RUFY2: variants seen among roughly 807,000 people sequenced by gnomAD.
The protein encoded by RUFY2 is RUN and FYVE domain containing 2.
Under a neutral mutation model 94.4 loss-of-function variants are expected in RUFY2, and 49 were observed. That is an observed-to-expected ratio of 0.52 (90% confidence interval 0.41 to 0.66). The LOEUF is 0.66. Ranked by LOEUF, RUFY2 falls within the 30% of genes least tolerant of loss-of-function variation. RUFY2 has a pLI of 0.00. For missense variants in RUFY2, 541 were observed against 692.8 expected (o/e 0.78, Z 2.46); for synonymous variants, 255 against 235.7 (o/e 1.08, Z -0.75).
At chr10:68,405,857 T>A (rs966571566) in intron 1 of RUFY2, 9 of 207,314 alleles carry the variant, frequency 4.3e-5, no homozygotes, top group Non-Finnish European at 5.9e-5. Context: ...AGCGCCAGTC[T>A]GAATACCAAG....
chr10:68,347,492 C>T (rs1326458325), intron 16 of RUFY2, among the ~76,000 whole-genome samples: 4 of 151,978 alleles, frequency 2.6e-5, no homozygotes, highest in African/African-American at 9.7e-5. Context: ...CCATGTTGGC[C>T]AGACTGGTCT....
chr10:68,390,586 T>C (rs1485524672), intron 7 of RUFY2, among the ~76,000 whole-genome samples: 1 of 152,102 alleles, frequency 6.6e-6, no homozygotes, highest in Non-Finnish European at 1.5e-5. Context: ...TTGGATTTTG[T>C]AGACAGTGCC....
chr10:68,367,712 A>ATCTC (rs1358131987), intron 13 of RUFY2, among the ~76,000 whole-genome samples: 1 of 76,780 alleles, frequency 1.3e-5, no homozygotes, highest in Non-Finnish European at 2.8e-5. Context: ...TTCTTTCTCT[A>ATCTC]TCTCTCTCCC....
At chr10:68,353,279 C>T (rs944949435) in intron 16 of RUFY2, among the ~76,000 whole-genome samples, 6 of 150,056 alleles carry the variant, frequency 4.0e-5, no homozygotes, top group Non-Finnish European at 5.9e-5. Context: ...TGCAATGAGC[C>T]GAGATCGCGC....
chr10:68,394,079 C>G lies in RUFY2; in HGVS notation c.580G>C (p.Glu194Gln). 1 of 1,505,540 alleles carries G rather than the reference C, an allele frequency of 6.6e-7. No individual in the cohort carries two copies. Among genetic ancestry groups the G allele is most frequent in the Non-Finnish European group, 8.9e-7 (1 of 1,119,316 alleles). 93.3% of individuals were successfully genotyped at this position (1,505,540 alleles called of 1,614,324 possible). Residue 194 changes from glutamate to glutamine, a missense_variant, in exon 6 of 18, where the codon GAA (glutamate) becomes CAA (glutamine). Glu to Gln is a conservative substitution (Grantham distance 29). This residue lies in a region of RUFY2 where 403 missense variants were observed against 480.7 expected (regional missense o/e 0.84). Transcript: ENST00000602465. Reference sequence around the variant, plus strand: ...AATAACTTATGAAAATCATACCTTTCTTTATTTCCAATATCTTCTTCATTC... The same window carrying G: ...AATAACTTATGAAAATCATACCTTTGTTTATTTCCAATATCTTCTTCATTC... ...LKNEEDIGNK[E>Q]RNVQIAAILD...
At chr10:68,370,310 C>T (rs567421875) in intron 13 of RUFY2, among the ~76,000 whole-genome samples, 6 of 152,066 alleles carry the variant, frequency 3.9e-5, no homozygotes, top group Non-Finnish European at 7.4e-5. Context: ...TAAACTAATC[C>T]AGTCTATCCC....
chr10:68,384,298 AAAC>A, intron 8 of RUFY2, 146 bp from the exon 9 acceptor site: 1 of 1,077,438 alleles, frequency 9.3e-7, no homozygotes, highest in East Asian at 2.8e-5. Flanking sequence ...TTCATAAGGA[AAAC>A]ACGCTCGTTA....
At chr10:68,378,427 G>A in intron 12 of RUFY2, 1 of 1,281,256 alleles carries the variant, frequency 7.8e-7, no homozygotes, top group East Asian at 3.0e-5. Context: ...TATTACCACA[G>A]CAGCTGACCA....
chr10:68,358,850 G>T (rs1318030736), intron 15 of RUFY2, among the ~76,000 whole-genome samples: 1 of 151,936 alleles, frequency 6.6e-6, no homozygotes, highest in African/African-American at 2.4e-5. Flanking sequence ...GGCAGATGTT[G>T]CAGTGAGCCA....
chr10:68,355,322 C>A (rs779765720), intron 16 of RUFY2, 31 bp downstream of exon 16: 4 of 1,546,918 alleles, frequency 2.6e-6, no homozygotes, highest in South Asian at 2.2e-5. Context: ...CTTTCACATA[C>A]CTTCCCACTT....
At position 68,396,060 on chromosome 10, in the gene RUFY2, G is replaced by A. The variant is rs201948933; in HGVS notation, c.398+720C>T. Among the ~76,000 whole-genome samples the A allele has an allele frequency of 4.8e-4, 73 of 152,268 alleles. 1 individual carries two copies. The highest frequency in any genetic ancestry group is 1.6e-3 in the African/African-American group (66 of 41,554). On this transcript the variant is annotated intron_variant, in intron 4 of 17. Transcript: ENST00000602465. ...ATCACCCAGGCTGGAGTGCAGTGGC[G>A]CGATCTCAGGTCACTGCAACCTCCC...
At chr10:68,391,496 A>T (rs2133025652) in intron 7 of RUFY2, among the ~76,000 whole-genome samples, 1 of 151,806 alleles carries the variant, frequency 6.6e-6, no homozygotes, top group African/African-American at 2.4e-5. Flanking sequence ...GAAAAAATTT[A>T]AAATTACTAG....
downstream of RUFY2, chr10:68,343,191 A>G (rs975505054): frequency 2.6e-5 from 4 of 152,190 alleles, no homozygotes. Flanking sequence ...GTGGGAGATA[A>G]TAGTATGGCG....
rs2050222501 is a variant in RUFY2 at position 68,394,358 on chromosome 10, C to A, written c.492G>T (p.Leu164=). Residue 164 remains leucine (L), a synonymous_variant, in exon 5 of 18, where the codon CTG becomes CTT. Coordinates refer to ENST00000602465, the MANE Select transcript of RUFY2 (RefSeq NM_001330103.2). ...AGTCTAAATCCTCTCCCTTCACACA[C>A]AGATTAGCATCGATCACATTCAGGC... is the stretch of plus-strand genomic sequence containing the variant. ...LVGLNVIDAN[L]CVKGEDLDSQ... The A allele has an allele frequency of 6.2e-7, 1 of 1,613,792 alleles. No homozygotes were observed. Among genetic ancestry groups the A allele is most frequent in the Non-Finnish European group, 8.5e-7 (1 of 1,179,872 alleles).
At chr10:68,390,650 G>T (rs955837666) in intron 7 of RUFY2, among the ~76,000 whole-genome samples, 1 of 152,080 alleles carries the variant, frequency 6.6e-6, no homozygotes, top group Non-Finnish European at 1.5e-5. Context: ...TTTAAGAGAT[G>T]GGGGTCTCAT....
rs1002266196 is a variant in RUFY2, at chr10:68,345,677, C to T, written c.*91G>A. 16 of 1,187,904 alleles carry T rather than the reference C, an allele frequency of 1.3e-5. No homozygotes were observed. The highest frequency in any genetic ancestry group is 1.2e-4 in the Admixed American group (5 of 41,962). 73.6% of individuals were successfully genotyped at this position (1,187,904 alleles called of 1,614,324 possible). A position where few individuals can be genotyped will look rare whatever the true frequency, so the allele number is the denominator to read the frequency against. ...CTGGTACCAAATACTGACCGAAAGC[C>T]GCTTAAGGAGAGCTGTCTGGTTACC... is the stretch of plus-strand genomic sequence containing the variant. On this transcript the variant is annotated 3_prime_UTR_variant, in exon 18 of 18. Transcript: ENST00000602465.
intron 4 of RUFY2, 57 bp downstream of exon 4, chr10:68,396,723 G>T: frequency 2.7e-6 from 3 of 1,105,978 alleles, no homozygotes; most frequent in Non-Finnish European, 4.0e-6. Flanking sequence ...ATCCTTTTTG[G>T]AAGACAGCAT....
chr10:68,373,212 AAT>A (rs1243002613), intron 13 of RUFY2, among the ~76,000 whole-genome samples: 2 of 152,202 alleles, frequency 1.3e-5, no homozygotes, highest in East Asian at 1.9e-4. Context: ...GCATATGTGT[AAT>A]ATAATGTCCA....
At chr10:68,367,217 C>T (rs1298808093) in intron 13 of RUFY2, among the ~76,000 whole-genome samples, 1 of 151,976 alleles carries the variant, frequency 6.6e-6, no homozygotes, top group Admixed American at 6.6e-5. Flanking sequence ...TTTGTCTTAC[C>T]TATGCTTTTG....
Sources: gnomAD v4.1 joint callset for allele counts (sites outside exome capture counted in the v4.1 genomes callset) on GRCh38, gnomAD v4.1.1 for gene constraint, gnomAD v4.1.1 regional missense constraint, MANE v1.5 for transcripts, NCBI Gene and HGNC (gene_info 2026-07-23, HGNC 2026-07-21) for gene names.